The following HERC2 variants were observed in gnomAD, a reference collection of about 807,000 sequenced individuals.
HERC2 encodes E3 ubiquitin-protein ligase HERC2.
Under a neutral mutation model 537.7 loss-of-function variants are expected in HERC2, and 102 were observed. The ratio of observed to expected loss-of-function variants is 0.19; its 90% CI spans 0.16 to 0.22. The LOEUF is 0.22. Among genes scored for constraint, HERC2 ranks in the 10% least tolerant of loss-of-function variants. HERC2 has a pLI of 1.00. For synonymous variants in HERC2, 2,224 were observed against 2,466.2 expected, an observed-to-expected ratio of 0.90 and a Z score of 2.91; for missense variants, 4,236 against 6,198.2, an observed-to-expected ratio of 0.68 and a Z score of 10.63.
In HERC2 at chr15:28,214,266, G is replaced by T. The variant is rs762921100; in HGVS notation, c.6365C>A (p.Thr2122Lys). 4 of 1,611,316 alleles carry T rather than the reference G, an allele frequency of 2.5e-6. No homozygotes were observed. In the East Asian group the frequency reaches 8.9e-5, roughly 36 times the overall value. Residue 2122 changes from threonine to lysine, a missense_variant, in exon 41 of 93, where the codon ACG becomes AAG. Thr to Lys is a moderately conservative substitution (Grantham distance 78). Coordinates refer to ENST00000261609, the MANE Select transcript of HERC2 (RefSeq NM_004667.6). ...SSDVPLLRES[T>K]LRRRRVRPQA... ...CGGGCGCACCCTGCGCCGCCTCAGC[G>T]TGGACTCTGAGGAGGAAACCAGGGG...
intron 69 of HERC2, among the ~76,000 whole-genome samples, chr15:28,153,703 C>T (rs1892694832): frequency 6.6e-6 from 1 of 152,164 alleles, no homozygotes; most frequent in African/African-American, 2.4e-5. Context: ...ACACACAACA[C>T]TTAATATGTG....
chr15:28,200,327 G>A (rs567328711), intron 48 of HERC2, among the ~76,000 whole-genome samples: 58 of 152,186 alleles, frequency 3.8e-4, no homozygotes, highest in Middle Eastern at 3.4e-3. Flanking sequence ...CCCGGGAGGC[G>A]GAGCTTGTAG....
intron 69 of HERC2, among the ~76,000 whole-genome samples, chr15:28,157,303 A>C (rs1302044566): frequency 6.6e-6 from 1 of 152,214 alleles, no homozygotes; most frequent in Non-Finnish European, 1.5e-5. Flanking sequence ...TGATTGGAAT[A>C]GTTTCAGAAG....
At chr15:28,187,791 C>A (rs760539627) in intron 55 of HERC2, among the ~76,000 whole-genome samples, 17 of 152,152 alleles carry the variant, frequency 1.1e-4, no homozygotes, top group Non-Finnish European at 2.5e-4. Context: ...AAGCAAGACC[C>A]AACCTTCCTC....
At chr15:28,206,626 T>G (rs138923800) in intron 44 of HERC2, among the ~76,000 whole-genome samples, 5,261 of 151,432 alleles carry the variant, frequency 0.035, 300 homozygotes, top group African/African-American at 0.12. Context: ...AAGGTCAGGA[T>G]ATCAAGACCA....
At chr15:28,267,045 T>TA (rs2075588004) in intron 12 of HERC2, among the ~76,000 whole-genome samples, 2 of 152,222 alleles carry the variant, frequency 1.3e-5, no homozygotes, top group Non-Finnish European at 1.5e-5. Flanking sequence ...GAAGTCTTAC[T>TA]AGTTGAAGAA....
At chr15:28,216,732 G>A (rs1436864540) in intron 38 of HERC2, among the ~76,000 whole-genome samples, 4 of 147,524 alleles carry the variant, frequency 2.7e-5, no homozygotes, top group Admixed American at 6.8e-5. Context: ...ACACTTTCAG[G>A]TGCACTCACA....
At chr15:28,273,090 C>T (rs2075782443) in intron 7 of HERC2, 86 bp from the exon 8 acceptor site, 1 of 916,062 alleles carries the variant, frequency 1.1e-6, no homozygotes, top group African/African-American at 1.6e-5. Context: ...TTACTACACG[C>T]TCCCTCCAAA....
chr15:28,288,746 G>A (rs1298211019), intron 4 of HERC2, among the ~76,000 whole-genome samples: 1 of 151,560 alleles, frequency 6.6e-6, no homozygotes, highest in Non-Finnish European at 1.5e-5. Context: ...TACTAGGGAG[G>A]CTGAGGCAGG....
chr15:28,321,615 G>C (rs1489984964), intron 1 of HERC2, among the ~76,000 whole-genome samples, 151 bp from the exon 2 acceptor site: 1 of 127,252 alleles, frequency 7.9e-6, no homozygotes, highest in South Asian at 2.7e-4. Context: ...GGGAAAGAGG[G>C]AAGAGATGGA....
rs183633250 is a variant in HERC2, at chr15:28,296,316, A to T, written c.187+3086T>A. On this transcript the variant is annotated intron_variant, in intron 3 of 92. Transcript: ENST00000261609. ...TGGTGAAACTCCATCTTTATTAAAAATACAACAATTAGCTGGGCATGGTGG... is the reference window on the plus strand; with the variant it reads ...TGGTGAAACTCCATCTTTATTAAAATTACAACAATTAGCTGGGCATGGTGG... Among the ~76,000 whole-genome samples the T allele has an allele frequency of 3.1e-3, 465 of 152,200 alleles. 2 individuals carry two copies. The highest frequency in any genetic ancestry group is 0.011 in the African/African-American group (440 of 41,548).
intron 78 of HERC2, 84 bp from the exon 79 acceptor site, chr15:28,135,776 T>C: frequency 2.1e-6 from 2 of 953,472 alleles, no homozygotes; most frequent in Admixed American, 5.2e-5. Flanking sequence ...TAATCCATGC[T>C]TTAGACATTT....
At chr15:28,163,482 A>G (rs886568114) in intron 68 of HERC2, among the ~76,000 whole-genome samples, 197 bp from the exon 69 acceptor site, 2 of 152,142 alleles carry the variant, frequency 1.3e-5, no homozygotes, top group African/African-American at 4.8e-5. Flanking sequence ...TGTTTTCAAG[A>G]CCAATTAACT....
In HERC2 at chr15:28,146,282, G is replaced by C; in HGVS notation, c.10963C>G (p.Leu3655Val). 2 of 1,614,118 alleles carry C rather than the reference G, an allele frequency of 1.2e-6. No individual in the cohort carries two copies. Among genetic ancestry groups the C allele is most frequent in the Non-Finnish European group, 8.5e-7 (1 of 1,180,020 alleles). Reference protein sequence around the residue: ...QCSTERRHDPLTVMDGVNRIV... With the variant: ...QCSTERRHDPVTVMDGVNRIV... ...CTGTTGACGCCGTCCATGACTGTGA[G>C]AGGGTCGTGGCGCCTCTCTGTGGAG... The change falls in exon 71 of 93, where the codon CTC (leucine) becomes GTC (valine). Residue 3655 changes from leucine (L) to valine (V), a missense_variant. Physicochemically the swap from Leu to Val is conservative, Grantham distance 32 (BLOSUM62 1). Around this residue, in one of 27 missense-constraint regions of HERC2, gnomAD observed 356 missense variants for 450.9 expected, o/e 0.79. Coordinates refer to ENST00000261609, the MANE Select transcript of HERC2 (RefSeq NM_004667.6).
intron 15 of HERC2, among the ~76,000 whole-genome samples, chr15:28,261,910 A>G (rs1258891389): frequency 6.6e-6 from 1 of 152,212 alleles, no homozygotes; most frequent in African/African-American, 2.4e-5. Flanking sequence ...CCAAACACAC[A>G]AAGAATGTAT....
At position 28,122,317 on chromosome 15, in the gene HERC2, G is replaced by A. The variant is rs1889006254; in HGVS notation, c.13189-888C>T. 6.6e-6 allele frequency among the ~76,000 whole-genome samples: 1 copy of A among 152,228 alleles called. No homozygotes were observed. Among genetic ancestry groups the A allele is most frequent in the Non-Finnish European group, 1.5e-5 (1 of 68,034 alleles). On this transcript the variant is annotated intron_variant, in intron 85 of 92. Transcript: ENST00000261609. The surrounding 1 kb of genome is among the most constrained non-coding windows in gnomAD (Gnocchi z 4.1). ...TGGAAAGGGATGAGACAGGTCAGCAGGGGTCTCAGCTCTCTTGGCCAAGGA... is the reference window on the plus strand; with the variant it reads ...TGGAAAGGGATGAGACAGGTCAGCAAGGGTCTCAGCTCTCTTGGCCAAGGA...
chr15:28,240,225 T>C (rs1902935721), intron 23 of HERC2, among the ~76,000 whole-genome samples: 2 of 152,194 alleles, frequency 1.3e-5, no homozygotes, highest in Admixed American at 6.5e-5. Flanking sequence ...GAGACCATCC[T>C]GGCTAACACG....
chr15:28,283,413 A>G (rs1287455828), intron 4 of HERC2, among the ~76,000 whole-genome samples: 9 of 152,252 alleles, frequency 5.9e-5, no homozygotes, highest in African/African-American at 1.7e-4. Flanking sequence ...TATTTTTTAA[A>G]CAATGAAAAG....
intron 2 of HERC2, among the ~76,000 whole-genome samples, chr15:28,305,363 A>T (rs1420411241): frequency 1.3e-5 from 2 of 151,832 alleles, no homozygotes; most frequent in Non-Finnish European, 2.9e-5. Context: ...GAGCCCTCAG[A>T]AATAACGCCG....
Sources: allele counts gnomAD v4.1 joint callset (sites outside exome capture counted in the v4.1 genomes callset), GRCh38; gene constraint gnomAD v4.1.1; regional missense constraint gnomAD v4.1.1; non-coding constraint Gnocchi (gnomAD v3.1); transcripts MANE v1.5; gene names NCBI Gene and HGNC (gene_info 2026-07-23, HGNC 2026-07-21).